RANBP10: variants seen among roughly 807,000 people sequenced by gnomAD.
The protein encoded by RANBP10 is RAN binding protein 10, also known as ran-binding protein 10.
RANBP10 carries 24 observed loss-of-function variants against 72.8 expected under a neutral mutation model. That is an observed-to-expected ratio of 0.33 (90% CI 0.24 to 0.46). The LOEUF is 0.46. Among genes scored for constraint, RANBP10 ranks in the 20% least tolerant of loss-of-function variants. The pLI is 1.00. For missense variants in RANBP10, 679 were observed against 817.5 expected (o/e 0.83, Z 2.07); for synonymous variants, 310 against 322.3 (o/e 0.96, Z 0.41).
At chr16:67,762,097 AAAAC>A (rs1254854745) in intron 3 of RANBP10, among the ~76,000 whole-genome samples, 12 of 152,160 alleles carry the variant, frequency 7.9e-5, no homozygotes, top group Admixed American at 5.9e-4. Flanking sequence ...CTCTAAATAA[AAAAC>A]AAACAAACAA....
intron 2 of RANBP10, among the ~76,000 whole-genome samples, chr16:67,785,642 C>T (rs2054901761): frequency 1.4e-5 from 2 of 143,552 alleles, no homozygotes; most frequent in Admixed American, 1.4e-4. Flanking sequence ...GCAGGAGAAT[C>T]ACTTGAACCC....
intron 3 of RANBP10, among the ~76,000 whole-genome samples, chr16:67,750,956 C>T (rs1052268991): frequency 1.3e-5 from 2 of 151,816 alleles, no homozygotes; most frequent in Admixed American, 6.6e-5. Flanking sequence ...TTAGTAGAGA[C>T]GGGGTTTCAC....
chr16:67,730,107 C>A lies in RANBP10; in HGVS notation c.890-61G>T, dbSNP rs2053697219. ...TACAGGCCTCTCCCACAGCCACACA[C>A]CTGGGATGCTGCCAGCCTCAGGGTA... On this transcript the variant is annotated intron_variant, in intron 7 of 13. Transcript: ENST00000317506. The surrounding 1 kb of genome is among the most constrained non-coding windows in gnomAD (Gnocchi z 4.3). 6.7e-7 allele frequency: 1 copy of A among 1,483,498 alleles called. No homozygotes were observed. Among genetic ancestry groups the A allele is most frequent in the Non-Finnish European group, 9.3e-7 (1 of 1,075,506 alleles). 91.9% of individuals were successfully genotyped at this position (1,483,498 alleles called of 1,614,324 possible).
chr16:67,805,001 C>T (rs1392428780), intron 2 of RANBP10, among the ~76,000 whole-genome samples: 1 of 152,112 alleles, frequency 6.6e-6, no homozygotes, highest in African/African-American at 2.4e-5. Context: ...ATGAATGCTG[C>T]AAAGACTCTA....
At position 67,730,196 on chromosome 16, in the gene RANBP10, C is replaced by T; in HGVS notation, c.890-150G>A. ...ACAGGAGAGGAGGCTGGAGAAAGAA[C>T]CTGACTGCCCAGCCCAACAGATCCT... On this transcript the variant is annotated intron_variant, in intron 7 of 13. Coordinates refer to ENST00000317506, the MANE Select transcript of RANBP10 (RefSeq NM_020850.3). This position sits in a 1 kb window ranked among gnomAD's most constrained non-coding sequence, Gnocchi z 4.3. The T allele has an allele frequency of 1.5e-6, 1 of 667,592 alleles. No homozygotes were observed. 41.4% of individuals were successfully genotyped at this position (667,592 alleles called of 1,614,324 possible).
At chr16:67,788,766 C>T (rs183178808) in intron 2 of RANBP10, among the ~76,000 whole-genome samples, 76 of 149,010 alleles carry the variant, frequency 5.1e-4, no homozygotes, top group Non-Finnish European at 8.8e-4. Context: ...TTTGGGAGGC[C>T]GAGACGGGCA....
chr16:67,778,856 G>C (rs1334741026), intron 2 of RANBP10, among the ~76,000 whole-genome samples: 4 of 152,170 alleles, frequency 2.6e-5, no homozygotes, highest in African/African-American at 9.7e-5. Flanking sequence ...ACTTTGGGAG[G>C]CCGAGGCAGA....
At chr16:67,731,207 G>C (rs1211598822) in intron 7 of RANBP10, 2 of 396,742 alleles carry the variant, frequency 5.0e-6, no homozygotes, top group African/African-American at 4.1e-5. Context: ...TGGAGGAATG[G>C]AACCAGCCAT....
At chr16:67,796,239 A>C (rs897052384) in intron 2 of RANBP10, among the ~76,000 whole-genome samples, 1 of 152,144 alleles carries the variant, frequency 6.6e-6, no homozygotes, top group Admixed American at 6.6e-5. Flanking sequence ...ATAAAAGTAA[A>C]TATAACTACT....
chr16:67,735,088 G>C, intron 5 of RANBP10, 46 bp from the exon 6 acceptor site: 1 of 1,507,226 alleles, frequency 6.6e-7, no homozygotes, highest in Non-Finnish European at 9.0e-7. Context: ...GGGCAGTGGG[G>C]TTCTAAGGCC....
intron 3 of RANBP10, among the ~76,000 whole-genome samples, chr16:67,765,975 G>A (rs1158840866): frequency 1.3e-5 from 2 of 152,148 alleles, no homozygotes; most frequent in East Asian, 3.8e-4. Context: ...CTGTGCCACT[G>A]CACTAGTCTG....
chr16:67,772,209 T>G, intron 2 of RANBP10, 123 bp from the exon 3 acceptor site: 1 of 1,017,454 alleles, frequency 9.8e-7, no homozygotes, highest in Non-Finnish European at 1.4e-6. Flanking sequence ...GTAGAGGCTC[T>G]TATAACATAC....
intron 2 of RANBP10, among the ~76,000 whole-genome samples, chr16:67,784,294 G>A (rs2054867612): frequency 6.6e-6 from 1 of 152,212 alleles, no homozygotes; most frequent in Non-Finnish European, 1.5e-5. Flanking sequence ...GCCCAAGGCG[G>A]GTGGATCATT....
intron 2 of RANBP10, among the ~76,000 whole-genome samples, chr16:67,777,120 G>A (rs1472295677): frequency 6.6e-6 from 1 of 152,022 alleles, no homozygotes; most frequent in African/African-American, 2.4e-5. Context: ...TGAGGCAGGA[G>A]AATTGCAGGA....
In RANBP10 at chr16:67,747,817, CTTTTTT is replaced by C. The variant is rs1160482023; in HGVS notation, c.401-3368_401-3363del. On this transcript the variant is annotated intron_variant, in intron 3 of 13. Coordinates refer to ENST00000317506, the MANE Select transcript of RANBP10 (RefSeq NM_020850.3). ...ATGGCGCTTGGCCTCATTTTCTTTT[CTTTTTT>C]TTTTTTTTTTTTTTTAAGACGGAGT... 6.6e-5 allele frequency among the ~76,000 whole-genome samples: 8 copies of C among 121,320 alleles called. No individual in the cohort carries two copies. In the South Asian group the frequency reaches 8.1e-4, roughly 12 times the overall value. 79.6% of individuals were successfully genotyped at this position (121,320 alleles called of 152,430 possible). A position where few individuals can be genotyped will look rare whatever the true frequency, so the allele number is the denominator to read the frequency against.
At chr16:67,763,500 C>T (rs1379236283) in intron 3 of RANBP10, 1 of 152,204 alleles carries the variant, frequency 6.6e-6, no homozygotes, top group East Asian at 1.9e-4. Context: ...GAAGTGGGAT[C>T]TGCTCAAGGG....
intron 3 of RANBP10, among the ~76,000 whole-genome samples, chr16:67,761,370 G>A (rs1486043094): frequency 6.6e-6 from 1 of 152,098 alleles, no homozygotes; most frequent in Admixed American, 6.6e-5. Flanking sequence ...AGATGTCCTT[G>A]CTGAGCCAGT....
intron 3 of RANBP10, among the ~76,000 whole-genome samples, chr16:67,756,681 C>T (rs1040202059): frequency 6.6e-6 from 1 of 151,600 alleles, no homozygotes; most frequent in African/African-American, 2.4e-5. Context: ...CCAGGCTGGG[C>T]GAAAGAGTGA....
chr16:67,744,193 C>G, intron 4 of RANBP10, 95 bp downstream of exon 4: 1 of 1,529,588 alleles, frequency 6.5e-7, no homozygotes, highest in Admixed American at 2.0e-5. Flanking sequence ...CAGAGCTCAG[C>G]AGAGGCGACA....
Sources: gnomAD v4.1 joint callset for allele counts (sites outside exome capture counted in the v4.1 genomes callset) on GRCh38, gnomAD v4.1.1 for gene constraint, Gnocchi (gnomAD v3.1) non-coding constraint, MANE v1.5 for transcripts, NCBI Gene and HGNC (gene_info 2026-07-23, HGNC 2026-07-21) for gene names.